SH3BP4: variants seen among roughly 807,000 people sequenced by gnomAD.
SH3BP4 encodes SH3 domain binding protein 4.
In SH3BP4, 33 loss-of-function variants were observed where a neutral mutation model predicts 65.5. That is an observed-to-expected ratio of 0.50 (90% CI 0.38 to 0.67). The LOEUF (loss-of-function observed/expected upper bound fraction) is 0.67, where lower values mean the gene tolerates loss of function less well. Ranked by LOEUF, SH3BP4 falls within the 30% of genes least tolerant of loss-of-function variation. The pLI, the probability that SH3BP4 is intolerant of heterozygous loss-of-function variation, is 0.00. For synonymous variants in SH3BP4, 552 were observed against 545.5 expected, an observed-to-expected ratio of 1.01 and a Z score of -0.17; for missense variants, 1,134 against 1,261.4, an observed-to-expected ratio of 0.90 and a Z score of 1.53.
chr2:234,977,833 G>A lies in SH3BP4; in HGVS notation c.-206-17470G>A, dbSNP rs1019142805. Among the ~76,000 whole-genome samples, 3 of 152,118 alleles carry A rather than the reference G, an allele frequency of 2.0e-5. No homozygotes were observed. The highest frequency in any genetic ancestry group is 6.5e-5 in the Admixed American group (1 of 15,272). On this transcript the variant is annotated intron_variant, in intron 1 of 5. Transcript: ENST00000392011. The surrounding 1 kb of genome is among the most constrained non-coding windows in gnomAD (Gnocchi z 5.1). ...CACACACACATGCGTGCACACACAC[G>A]CAGACCCTGAGACCCTGCACTTGAG...
chr2:234,999,809 G>A (rs879024949), intron 2 of SH3BP4, among the ~76,000 whole-genome samples: 3 of 152,196 alleles, frequency 2.0e-5, no homozygotes, highest in African/African-American at 7.2e-5. Context: ...AAATGAATTG[G>A]TCATCAAAAA....
chr2:235,038,379 A>ATTT (rs1695513594), intron 3 of SH3BP4, among the ~76,000 whole-genome samples: 1 of 27,592 alleles, frequency 3.6e-5, no homozygotes. Flanking sequence ...ATATATACAT[A>ATTT]TATATATATA....
rs1693097197 is a variant in SH3BP4 at position 234,974,145 on chromosome 2, C to G, written c.-206-21158C>G. Among the ~76,000 whole-genome samples the G allele has an allele frequency of 6.6e-6, 1 of 152,098 alleles. No individual in the cohort carries two copies. The highest frequency in any genetic ancestry group is 1.5e-5 in the Non-Finnish European group (1 of 68,014). ...CTTTGGGAGGCCGAGGCAGGTGGAT[C>G]ACCTGAGGTCAGGAGTTCGAGACCA... On this transcript the variant is annotated intron_variant, in intron 1 of 5. Coordinates refer to ENST00000392011, the MANE Select transcript of SH3BP4 (RefSeq NM_014521.3). This position sits in a 1 kb window ranked among gnomAD's most constrained non-coding sequence, Gnocchi z 4.6.
At chr2:234,984,561 A>G (rs4663533) in intron 1 of SH3BP4, among the ~76,000 whole-genome samples, 18,405 of 152,072 alleles carry the variant, frequency 0.12, 1,204 homozygotes, top group Non-Finnish European at 0.14. Flanking sequence ...GCTGAGTATA[A>G]GTGTATCTTA....
At chr2:234,986,584 G>A (rs1286378406) in intron 1 of SH3BP4, among the ~76,000 whole-genome samples, 4 of 152,064 alleles carry the variant, frequency 2.6e-5, no homozygotes, top group Non-Finnish European at 2.9e-5. Flanking sequence ...GTTTGTGTTT[G>A]TCGTTACTCT....
intron 1 of SH3BP4, among the ~76,000 whole-genome samples, chr2:234,970,349 G>T (rs1445245543): frequency 6.6e-6 from 1 of 152,206 alleles, no homozygotes; most frequent in African/African-American, 2.4e-5. Flanking sequence ...TAAAGATACT[G>T]CTCAGGTCCT....
chr2:235,041,875 A>T lies in SH3BP4; in HGVS notation c.1106A>T (p.Asp369Val). ...GACCCCCCGCTGGAGCTCAACAGTG[A>T]CAGGTCCTGCAGCATCAGCCCTGTG... is the stretch of plus-strand genomic sequence containing the variant. ...LLDPPLELNS[D>V]RSCSISPVLE... The change falls in exon 4 of 6, where the codon GAC (aspartate) becomes GTC (valine). Residue 369 changes from aspartate (D) to valine (V), a missense_variant. Asp to Val is a radical substitution (Grantham distance 152, BLOSUM62 -3). Coordinates refer to ENST00000392011, the MANE Select transcript of SH3BP4 (RefSeq NM_014521.3). This position sits in a 1 kb window ranked among gnomAD's most constrained non-coding sequence, Gnocchi z 6.0. 6.2e-7 allele frequency: 1 copy of T among 1,611,786 alleles called. No homozygotes were observed. The highest frequency in any genetic ancestry group is 1.7e-4 in the Middle Eastern group (1 of 6,052).
At chr2:235,020,900 C>T (rs1694829307) in intron 2 of SH3BP4, among the ~76,000 whole-genome samples, 1 of 152,244 alleles carries the variant, frequency 6.6e-6, no homozygotes, top group African/African-American at 2.4e-5. Context: ...ATCAGCCAGA[C>T]TCTAGGCAGA....
rs1183884867 is a variant in SH3BP4 at position 234,977,931 on chromosome 2, T to TGGATG, written c.-206-17370_-206-17366dup. Among the ~76,000 whole-genome samples, 5 of 152,120 alleles carry TGGATG rather than the reference T, an allele frequency of 3.3e-5. No individual in the cohort carries two copies. Among genetic ancestry groups the TGGATG allele is most frequent in the Non-Finnish European group, 5.9e-5 (4 of 68,012 alleles). Reference sequence around the variant, plus strand: ...CTGCTAGTGGCCAGTCTGTCCCACTTGGATGGTCTGTTTCTATTTTATTTT... The same window carrying TGGATG: ...CTGCTAGTGGCCAGTCTGTCCCACTTGGATGGGATGGTCTGTTTCTATTTTATTTT... On this transcript the variant is annotated intron_variant, in intron 1 of 5. Coordinates refer to ENST00000392011, the MANE Select transcript of SH3BP4 (RefSeq NM_014521.3). The surrounding 1 kb of genome is among the most constrained non-coding windows in gnomAD (Gnocchi z 5.1).
At chr2:235,050,059 C>G (rs1300226777) in intron 4 of SH3BP4, among the ~76,000 whole-genome samples, 1 of 152,104 alleles carries the variant, frequency 6.6e-6, no homozygotes, top group African/African-American at 2.4e-5. Flanking sequence ...TCATGGGGGG[C>G]TCTGGGGAGC....
chr2:235,017,038 T>A (rs1300397712), intron 2 of SH3BP4, among the ~76,000 whole-genome samples: 1 of 147,294 alleles, frequency 6.8e-6, no homozygotes, highest in African/African-American at 2.5e-5. Context: ...AGTTTCTGTT[T>A]GCCTTTCTTT....
intron 1 of SH3BP4, among the ~76,000 whole-genome samples, chr2:234,986,753 G>C (rs954599668): frequency 1.3e-5 from 2 of 152,072 alleles, no homozygotes; most frequent in Admixed American, 6.6e-5. Context: ...AAAAGCGACC[G>C]AGAGGCCAGA....
Position 234,978,454 on chromosome 2 carries a change from G to A in SH3BP4, c.-206-16849G>A, listed in dbSNP as rs192471307. On this transcript the variant is annotated intron_variant, in intron 1 of 5. Transcript: ENST00000392011. The surrounding 1 kb of genome is among the most constrained non-coding windows in gnomAD (Gnocchi z 4.1). The stretch of plus-strand genomic sequence containing the variant: ...GTACTCTTTTCCTGCGCCCCACACT[G>A]CCCCAAGGCCCCACTGGTCATCCGT... Among the ~76,000 whole-genome samples, 352 of 152,292 alleles carry A rather than the reference G, an allele frequency of 2.3e-3. No homozygotes were observed. The highest frequency in any genetic ancestry group is 8.0e-3 in the African/African-American group (332 of 41,558).
rs377192575 is a variant in SH3BP4, at chr2:234,967,960, A to G, written c.-207+15790A>G. 8.5e-5 allele frequency among the ~76,000 whole-genome samples: 13 copies of G among 152,220 alleles called. 2 individuals are homozygous for G. The South Asian group carries it at 2.7e-3, about 32-fold the overall frequency. On this transcript the variant is annotated intron_variant, in intron 1 of 5. Coordinates refer to ENST00000392011, the MANE Select transcript of SH3BP4 (RefSeq NM_014521.3). The surrounding 1 kb of genome is among the most constrained non-coding windows in gnomAD (Gnocchi z 4.6). ...TGCAGGACCGGAAGCTCCCACCCAG[A>G]TGGTGAAGGCACCTGCTGGGTTTCC...
chr2:235,008,710 C>A (rs763060229), intron 2 of SH3BP4: 5 of 152,178 alleles, frequency 3.3e-5, no homozygotes, highest in Admixed American at 1.3e-4. Flanking sequence ...AAAAGGCCAC[C>A]GGCCTCTGGT....
rs1692876943 is a variant in SH3BP4, at chr2:234,967,739, G to A, written c.-207+15569G>A. On this transcript the variant is annotated intron_variant, in intron 1 of 5. Coordinates refer to ENST00000392011, the MANE Select transcript of SH3BP4 (RefSeq NM_014521.3). The surrounding 1 kb of genome is among the most constrained non-coding windows in gnomAD (Gnocchi z 4.6). The stretch of plus-strand genomic sequence containing the variant: ...CCTCACCCAGTGACCCAGTGATGCT[G>A]AGTCCCGCTTTGGGAGGTGTGGCAC... Among the ~76,000 whole-genome samples, 1 of 152,194 alleles carries A rather than the reference G, an allele frequency of 6.6e-6. No individual in the cohort carries two copies. The highest frequency in any genetic ancestry group is 2.4e-5 in the African/African-American group (1 of 41,448).
intron 3 of SH3BP4, among the ~76,000 whole-genome samples, chr2:235,038,320 T>A (rs1234858444): frequency 0.21 from 3,000 of 14,022 alleles, 311 homozygotes; most frequent in East Asian, 0.58. Context: ...TATTATATAT[T>A]ATATATATAT....
rs558803971 is a variant in SH3BP4, at chr2:235,053,681, G to C, written c.2757G>C (p.Leu919=). Residue 919 remains leucine (L), a synonymous_variant, in exon 6 of 6, where the codon CTG becomes CTC. Transcript: ENST00000392011. The stretch of plus-strand genomic sequence containing the variant: ...GGGATGTCATCCAGGAGCTGCACCT[G>C]GGCCTGGACAAGATGAAAAACCCCA... ...SYRDVIQELH[L]GLDKMKNPIT... is the part of the protein sequence containing the mutation. 1 of 1,614,198 alleles carries C rather than the reference G, an allele frequency of 6.2e-7. No homozygotes were observed. The highest frequency in any genetic ancestry group is 2.2e-5 in the East Asian group (1 of 44,886).
chr2:235,036,583 G>A (rs917831967), intron 3 of SH3BP4, among the ~76,000 whole-genome samples: 18 of 151,698 alleles, frequency 1.2e-4, no homozygotes, highest in Non-Finnish European at 2.1e-4. Flanking sequence ...GTGAAACCCC[G>A]TCTCTACTAA....
Sources: allele counts gnomAD v4.1 joint callset (sites outside exome capture counted in the v4.1 genomes callset), GRCh38; gene constraint gnomAD v4.1.1; non-coding constraint Gnocchi (gnomAD v3.1); transcripts MANE v1.5; gene names NCBI Gene and HGNC (gene_info 2026-07-23, HGNC 2026-07-21).